PHLDB2: variants seen among roughly 807,000 people sequenced by gnomAD.
PHLDB2 encodes the protein pleckstrin homology like domain family B member 2.
A neutral mutation model predicts 123.6 loss-of-function variants in PHLDB2; 71 were observed. The observed-to-expected ratio is 0.57, with a 90% CI of 0.47 to 0.70. The LOEUF (loss-of-function observed/expected upper bound fraction) is 0.70, where lower values mean the gene tolerates loss of function less well. PHLDB2 is among the 30% of genes least tolerant of loss of function. The pLI is 0.00. For synonymous variants in PHLDB2, 547 were observed against 541.6 expected, an observed-to-expected ratio of 1.01 and a Z score of -0.14; for missense variants, 1,446 against 1,519.5, an observed-to-expected ratio of 0.95 and a Z score of 0.80.
At chr3:111,803,150 C>T (rs1444675377) in intron 1 of PHLDB2, among the ~76,000 whole-genome samples, 1 of 152,228 alleles carries the variant, frequency 6.6e-6, no homozygotes, top group Non-Finnish European at 1.5e-5. Context: ...CCTTGGTTGG[C>T]ATCTGCTACT....
intron 3 of PHLDB2, chr3:111,916,827 C>T (rs1212842319): frequency 6.6e-6 from 1 of 152,132 alleles, no homozygotes; most frequent in Admixed American, 6.5e-5. Flanking sequence ...ATCATCTCTC[C>T]CCTTTCCTGT....
At position 111,920,398 on chromosome 3, in the gene PHLDB2, C is replaced by G. The variant is rs769332162; in HGVS notation, c.1980C>G (p.Asn660Lys). 14 of 1,613,424 alleles carry G rather than the reference C, an allele frequency of 8.7e-6. No individual in the cohort carries two copies. Among genetic ancestry groups the G allele is most frequent in the Middle Eastern group, 1.7e-4 (1 of 6,058 alleles). Residue 660 changes from asparagine to lysine, a missense_variant, in exon 5 of 18, where the codon AAC (asparagine) becomes AAG (lysine). By Grantham distance (94) the Asn-to-Lys change is moderately conservative (BLOSUM62 0). Transcript: ENST00000431670. ...LNRKIAELEKNIVGEKTKEKV... is the reference protein window; with the variant it reads ...LNRKIAELEKKIVGEKTKEKV... ...GGAAAATAGCTGAACTGGAAAAGAA[C>G]ATTGTTGGTGAAAAGACCAAGGTAA...
chr3:111,961,957 T>C, intron 12 of PHLDB2, 151 bp from the exon 13 acceptor site: 1 of 720,976 alleles, frequency 1.4e-6, no homozygotes, highest in Non-Finnish European at 2.3e-6. Context: ...CACGGTGCTC[T>C]TTCTTTGATC....
chr3:111,927,453 G>C (rs566315720), intron 5 of PHLDB2, among the ~76,000 whole-genome samples: 2 of 152,132 alleles, frequency 1.3e-5, no homozygotes, highest in African/African-American at 4.8e-5. Flanking sequence ...AAACCTGACC[G>C]CATATCTAAT....
At chr3:111,797,696 C>G (rs928083842) in intron 1 of PHLDB2, among the ~76,000 whole-genome samples, 3 of 152,238 alleles carry the variant, frequency 2.0e-5, no homozygotes, top group Admixed American at 1.3e-4. Context: ...CCCTTCTCCA[C>G]CATCACTCCC....
chr3:111,816,122 C>T (rs190453051), intron 1 of PHLDB2, among the ~76,000 whole-genome samples: 29 of 152,284 alleles, frequency 1.9e-4, no homozygotes, highest in Admixed American at 1.6e-3. Context: ...ACTTGGATGC[C>T]CATGCAGAAG....
rs867136893 is a variant in PHLDB2 at position 111,884,138 on chromosome 3, G to A, written c.61G>A (p.Asp21Asn). Residue 21 changes from aspartate to asparagine, a missense_variant, in exon 2 of 18, where the codon GAC (aspartate) becomes AAC (asparagine). Transcript: ENST00000431670. ...TTTACAAAATGGTAGCTTAGAGGAA[G>A]ACTCTGTGGTGCATTCTGTTGAGAA... ...LDLQNGSLEE[D>N]SVVHSVENDS... 6.2e-7 allele frequency: 1 copy of A among 1,614,144 alleles called. No homozygotes were observed. The highest frequency in any genetic ancestry group is 8.5e-7 in the Non-Finnish European group (1 of 1,179,960).
intron 1 of PHLDB2, among the ~76,000 whole-genome samples, chr3:111,883,794 G>C (rs1370824981): frequency 2.0e-5 from 3 of 152,190 alleles, no homozygotes; most frequent in African/African-American, 4.8e-5. Context: ...GCCTAATCCT[G>C]CACCTTTACT....
chr3:111,876,908 T>C (rs908492889), intron 1 of PHLDB2, among the ~76,000 whole-genome samples: 1 of 152,362 alleles, frequency 6.6e-6, no homozygotes, highest in Non-Finnish European at 1.5e-5. Context: ...ACTTATCCTT[T>C]TTAAGGCTGC....
intron 16 of PHLDB2, 51 bp from the exon 17 acceptor site, chr3:111,973,681 T>C (rs1440578305): frequency 1.1e-6 from 1 of 937,408 alleles, no homozygotes; most frequent in South Asian, 1.6e-5. Context: ...ATTATTATTT[T>C]TTCTGTTCCT....
In PHLDB2 at chr3:111,904,732, AG is replaced by A. The variant is rs553259583; in HGVS notation, c.1336-8585del. Among the ~76,000 whole-genome samples, 24 of 152,248 alleles carry A rather than the reference AG, an allele frequency of 1.6e-4. No individual in the cohort carries two copies. In the South Asian group the frequency reaches 5.0e-3, roughly 32 times the overall value. On this transcript the variant is annotated intron_variant, in intron 2 of 17. Coordinates refer to ENST00000431670, the MANE Select transcript of PHLDB2 (RefSeq NM_001134438.2). ...GGAGAAGGAGTCAATAGAGAGGGAA[AG>A]GTGTAGGAGAAGGGATAATCAATAG...
At position 111,831,030 on chromosome 3, in the gene PHLDB2, A is replaced by AAAGAAAGAAAGG. The variant is rs1559855366; in HGVS notation, c.-48-14788_-48-14787insAAAGAAAGGAAG. ...GAAAGAAAGAAAGAAAGAAAGAAAG[A>AAAGAAAGAAAGG]AAGGAAGGAAGGAAGAAAGAGAAAA... On this transcript the variant is annotated intron_variant, in intron 1 of 17. Coordinates refer to the PHLDB2 transcript ENST00000393923. Among the ~76,000 whole-genome samples the AAAGAAAGAAAGG allele has an allele frequency of 1.9e-3, 136 of 71,970 alleles. 1 individual carries two copies. The highest frequency in any genetic ancestry group is 3.0e-3 in the Non-Finnish European group (104 of 34,200). The allele number at this position is 71,970 out of a possible 152,430, so 47.2% of individuals were successfully genotyped here.
intron 1 of PHLDB2, among the ~76,000 whole-genome samples, chr3:111,787,773 G>A (rs554356154): frequency 6.6e-5 from 10 of 152,240 alleles, no homozygotes; most frequent in Admixed American, 1.3e-4. Flanking sequence ...CCCCGGGGTC[G>A]AGTCTCTGGC....
chr3:111,782,202 C>T (rs574777511), intron 1 of PHLDB2, among the ~76,000 whole-genome samples: 7 of 152,102 alleles, frequency 4.6e-5, no homozygotes, highest in South Asian at 4.2e-4. Flanking sequence ...TAATGACTGC[C>T]CTTAAAATTG....
At chr3:111,750,833 CT>C (rs1305263135) in intron 1 of PHLDB2, among the ~76,000 whole-genome samples, 1 of 151,752 alleles carries the variant, frequency 6.6e-6, no homozygotes, top group Non-Finnish European at 1.5e-5. Context: ...ATAATCCCAG[CT>C]ACTCAGGAGG....
At chr3:111,916,183 C>T (rs1173343784) in intron 3 of PHLDB2, 1 of 152,158 alleles carries the variant, frequency 6.6e-6, no homozygotes, top group Non-Finnish European at 1.5e-5. Context: ...GAATAGGAGG[C>T]CTCTGAAGCT....
At chr3:111,951,233 C>T (rs573498061) in intron 10 of PHLDB2, among the ~76,000 whole-genome samples, 15 of 152,202 alleles carry the variant, frequency 9.9e-5, no homozygotes, top group Admixed American at 9.2e-4. Context: ...CTAGCTCTGC[C>T]GCTGTCCAGC....
At chr3:111,762,160 A>C (rs1000884967) in intron 1 of PHLDB2, among the ~76,000 whole-genome samples, 5 of 152,200 alleles carry the variant, frequency 3.3e-5, no homozygotes, top group Non-Finnish European at 7.3e-5. Flanking sequence ...CAAGTCTACT[A>C]CCTAAGGTGA....
intron 1 of PHLDB2, among the ~76,000 whole-genome samples, chr3:111,780,396 A>AGAG (rs2060404990): frequency 4.1e-5 from 2 of 49,208 alleles, no homozygotes; most frequent in African/African-American, 9.0e-5. Context: ...AAGAAGAAGA[A>AGAG]GAAGAAGAAG....
Sources: gnomAD v4.1 joint callset for allele counts (sites outside exome capture counted in the v4.1 genomes callset) on GRCh38, gnomAD v4.1.1 for gene constraint, MANE v1.5 for transcripts, NCBI Gene and HGNC (gene_info 2026-07-23, HGNC 2026-07-21) for gene names.